Variants in CNTNAP2 observed in about 807,000 individuals in gnomAD.
CNTNAP2 encodes the protein contactin-associated protein-like 2.
CNTNAP2 carries 98 observed loss-of-function variants against 155.2 expected under a neutral mutation model. That is an observed-to-expected ratio of 0.63 (90% confidence interval 0.54 to 0.75). CNTNAP2 has a LOEUF of 0.75. Among genes scored for constraint, CNTNAP2 ranks in the 30% least tolerant of loss-of-function variants. The pLI, the probability that CNTNAP2 is intolerant of heterozygous loss-of-function variation, is 0.00. For missense variants in CNTNAP2, 1,727 were observed against 1,688.1 expected, an observed-to-expected ratio of 1.02 and a Z score of -0.40; for synonymous variants, 651 against 631.2, an observed-to-expected ratio of 1.03 and a Z score of -0.47.
chr7:147,629,406 A>AAAT (rs56977512), intron 12 of CNTNAP2, among the ~76,000 whole-genome samples: 20,619 of 140,706 alleles, frequency 0.15, 2,116 homozygotes, highest in African/African-American at 0.3. Flanking sequence ...TCTGTCTCAA[A>AAAT]AATAATAATA....
At chr7:148,252,787 C>T (rs950071947) in intron 20 of CNTNAP2, among the ~76,000 whole-genome samples, 3 of 152,194 alleles carry the variant, frequency 2.0e-5, no homozygotes, top group African/African-American at 4.8e-5. Context: ...TGGCTCCCCA[C>T]CTGCTTCCTC....
At chr7:147,088,810 G>A (rs1800335434) in intron 4 of CNTNAP2, among the ~76,000 whole-genome samples, 1 of 152,124 alleles carries the variant, frequency 6.6e-6, no homozygotes, top group Non-Finnish European at 1.5e-5. Flanking sequence ...TGGACATGGT[G>A]GTGCCTCCCT....
intron 1 of CNTNAP2, among the ~76,000 whole-genome samples, chr7:146,656,331 A>T (rs1347620045): frequency 6.6e-6 from 1 of 152,224 alleles, no homozygotes; most frequent in Non-Finnish European, 1.5e-5. Flanking sequence ...TATTCATTTC[A>T]TCTTTCAAAT....
chr7:148,017,962 A>G (rs1802208892), intron 15 of CNTNAP2, among the ~76,000 whole-genome samples: 1 of 152,242 alleles, frequency 6.6e-6, no homozygotes, highest in Non-Finnish European at 1.5e-5. Context: ...TGACATTTTA[A>G]TCTTCTTGTG....
At chr7:147,054,417 T>G (rs973831581) in intron 4 of CNTNAP2, among the ~76,000 whole-genome samples, 2 of 152,192 alleles carry the variant, frequency 1.3e-5, no homozygotes, top group African/African-American at 4.8e-5. Context: ...TCAGGTAATC[T>G]TACCTCCTGA....
chr7:147,814,743 G>C (rs1284268384), intron 13 of CNTNAP2, among the ~76,000 whole-genome samples: 2 of 152,114 alleles, frequency 1.3e-5, no homozygotes, highest in Non-Finnish European at 2.9e-5. Context: ...TCACTGCTAA[G>C]TCAGTGTTTC....
intron 8 of CNTNAP2, among the ~76,000 whole-genome samples, chr7:147,279,331 T>C (rs1281356490): frequency 6.6e-6 from 1 of 151,830 alleles, no homozygotes; most frequent in Non-Finnish European, 1.5e-5. Context: ...AAGCTTTGAC[T>C]CAGAGATAAT....
chr7:147,345,965 C>G (rs115722245), intron 9 of CNTNAP2, among the ~76,000 whole-genome samples: 2,397 of 151,858 alleles, frequency 0.016, 65 homozygotes, highest in African/African-American at 0.054. Flanking sequence ...ATTAATAGGC[C>G]GCAAACAGTT....
At chr7:147,667,363 G>T (rs532655093) in intron 13 of CNTNAP2, among the ~76,000 whole-genome samples, 1 of 152,180 alleles carries the variant, frequency 6.6e-6, no homozygotes. Flanking sequence ...AGTCAATGCT[G>T]GATGTCAGGT....
At chr7:147,770,517 G>T (rs904787040) in intron 13 of CNTNAP2, among the ~76,000 whole-genome samples, 1 of 152,052 alleles carries the variant, frequency 6.6e-6, no homozygotes, top group African/African-American at 2.4e-5. Context: ...TTGCTTTGTG[G>T]CTTTCTATAT....
intron 1 of CNTNAP2, among the ~76,000 whole-genome samples, chr7:146,239,483 A>G (rs1799525955): frequency 6.6e-6 from 1 of 152,116 alleles, no homozygotes; most frequent in Admixed American, 6.6e-5. Context: ...GTAAAAAAAT[A>G]ATGTGATAGT....
At chr7:146,947,387 TC>T (rs1797199130) in intron 3 of CNTNAP2, among the ~76,000 whole-genome samples, 1 of 92,416 alleles carries the variant, frequency 1.1e-5, no homozygotes, top group Non-Finnish European at 2.4e-5. Context: ...TCTCTCTTTC[TC>T]TCTCTCTCTC....
At chr7:147,294,707 G>A (rs1805395099) in intron 8 of CNTNAP2, among the ~76,000 whole-genome samples, 1 of 151,496 alleles carries the variant, frequency 6.6e-6, no homozygotes, top group Non-Finnish European at 1.5e-5. Flanking sequence ...TGCCCATTCT[G>A]GAGTGCAGTG....
chr7:146,863,130 A>G (rs1795137318), intron 3 of CNTNAP2, among the ~76,000 whole-genome samples: 1 of 152,218 alleles, frequency 6.6e-6, no homozygotes, highest in East Asian at 1.9e-4. Context: ...ATGTCAAAGT[A>G]TAGAATGAAG....
intron 8 of CNTNAP2, among the ~76,000 whole-genome samples, chr7:147,248,981 A>G (rs1011511057): frequency 6.6e-6 from 1 of 152,154 alleles, no homozygotes; most frequent in African/African-American, 2.4e-5. Flanking sequence ...TGGGAGAAGA[A>G]AAAAAACTTG....
At chr7:147,230,807 GA>G (rs1474246076) in intron 8 of CNTNAP2, among the ~76,000 whole-genome samples, 1 of 152,086 alleles carries the variant, frequency 6.6e-6, no homozygotes, top group Non-Finnish European at 1.5e-5. Context: ...TGAACTTTTA[GA>G]TTCCACATAT....
chr7:146,837,279 T>G (rs1803636105), intron 2 of CNTNAP2, among the ~76,000 whole-genome samples: 1 of 152,078 alleles, frequency 6.6e-6, no homozygotes, highest in Non-Finnish European at 1.5e-5. Context: ...TGAGCTTAAT[T>G]TAGATGCCTT....
At chr7:147,405,516 T>C (rs909841506) in intron 10 of CNTNAP2, among the ~76,000 whole-genome samples, 5 of 152,178 alleles carry the variant, frequency 3.3e-5, no homozygotes, top group African/African-American at 1.2e-4. Flanking sequence ...TAGGACACTA[T>C]CCTTCATTTG....
rs1243179961 is a variant in CNTNAP2 at position 146,730,430 on chromosome 7, A to C, written c.98-43841A>C. Among the ~76,000 whole-genome samples the C allele has an allele frequency of 2.6e-5, 4 of 152,150 alleles. No individual in the cohort carries two copies. The East Asian group carries it at 7.7e-4, about 29-fold the overall frequency. On this transcript the variant is annotated intron_variant, in intron 1 of 23. Transcript: ENST00000361727. Reference sequence around the variant, plus strand: ...TTTATAACATTGTACACATCCAATAAATGTCCACAATATAATTGAACAGAA... The same window carrying C: ...TTTATAACATTGTACACATCCAATACATGTCCACAATATAATTGAACAGAA...
Sources: allele counts gnomAD v4.1 joint callset (sites outside exome capture counted in the v4.1 genomes callset), GRCh38; gene constraint gnomAD v4.1.1; transcripts MANE v1.5; gene names NCBI Gene and HGNC (gene_info 2026-07-23, HGNC 2026-07-21).